The following RIMBP2 variants were observed in gnomAD, a reference collection of about 807,000 sequenced individuals.
RIMBP2 encodes the protein RIMS binding protein 2.
A neutral mutation model predicts 118.6 loss-of-function variants in RIMBP2; 48 were observed. The ratio of observed to expected loss-of-function variants is 0.40; its 90% CI spans 0.32 to 0.51. RIMBP2 has a LOEUF of 0.51. RIMBP2 is among the 20% of genes least tolerant of loss of function. The probability of loss-of-function intolerance (pLI) is 0.41; values close to 1 mark genes in which losing one functional copy is unlikely to be tolerated. For missense variants in RIMBP2, 1,551 were observed against 1,768.3 expected (o/e 0.88, Z 2.20); for synonymous variants, 762 against 742.9 (o/e 1.03, Z -0.42).
chr12:130,544,596 C>CTTT (rs35041449), intron 2 of RIMBP2, among the ~76,000 whole-genome samples: 4,806 of 100,458 alleles, frequency 0.048, 288 homozygotes, highest in South Asian at 0.085. Flanking sequence ...AACTGGAGGC[C>CTTT]TTTTTTTTTT....
At chr12:130,658,696 GA>G (rs1243252626) in intron 1 of RIMBP2, 1 of 152,196 alleles carries the variant, frequency 6.6e-6, no homozygotes, top group African/African-American at 2.4e-5. Flanking sequence ...CATTTTATGA[GA>G]AAAAACAAGC....
intron 2 of RIMBP2, among the ~76,000 whole-genome samples, chr12:130,531,825 C>G (rs1283545998): frequency 6.6e-6 from 1 of 150,928 alleles, no homozygotes; most frequent in Admixed American, 6.6e-5. Flanking sequence ...AACCCAGATG[C>G]CTCTAGGAGT....
At chr12:130,646,614 A>T (rs999933423) in intron 1 of RIMBP2, among the ~76,000 whole-genome samples, 21 of 152,354 alleles carry the variant, frequency 1.4e-4, no homozygotes, top group Admixed American at 3.3e-4. Flanking sequence ...GAAGAATGAC[A>T]ACCAATCTTA....
chr12:130,615,106 T>C (rs1011728762), intron 2 of RIMBP2, among the ~76,000 whole-genome samples: 1 of 147,578 alleles, frequency 6.8e-6, no homozygotes, highest in Non-Finnish European at 1.5e-5. Context: ...ATGTGTATTA[T>C]GTATATATAC....
At chr12:130,706,696 A>T (rs1361083891) in intron 1 of RIMBP2, among the ~76,000 whole-genome samples, 3 of 152,208 alleles carry the variant, frequency 2.0e-5, no homozygotes, top group Admixed American at 2.0e-4. Context: ...GTGCCTTTTG[A>T]CAGTTAAATG....
At chr12:130,439,316 T>C (rs1052169165) in intron 11 of RIMBP2, among the ~76,000 whole-genome samples, 2 of 150,260 alleles carry the variant, frequency 1.3e-5, no homozygotes, top group African/African-American at 4.9e-5. Context: ...TGGGTGTGTA[T>C]AGATGTGTGT....
chr12:130,641,692 G>A (rs1458475255), intron 1 of RIMBP2, among the ~76,000 whole-genome samples: 1 of 152,202 alleles, frequency 6.6e-6, no homozygotes, highest in Non-Finnish European at 1.5e-5. Flanking sequence ...TGGAGTCCTG[G>A]GGAAGGAAGA....
chr12:130,552,493 G>C (rs915243469), intron 2 of RIMBP2, among the ~76,000 whole-genome samples: 3 of 152,094 alleles, frequency 2.0e-5, no homozygotes, highest in African/African-American at 7.2e-5. Context: ...CAAGATAATG[G>C]CTAAAATGAT....
At chr12:130,460,193 G>A (rs140948200) in intron 6 of RIMBP2, among the ~76,000 whole-genome samples, 9 of 152,134 alleles carry the variant, frequency 5.9e-5, no homozygotes, top group Non-Finnish European at 1.2e-4. Context: ...CATCAGGGCC[G>A]GGTTCCCTCT....
At chr12:130,535,712 CATATACATAT>C (rs1199978647) in intron 2 of RIMBP2, among the ~76,000 whole-genome samples, 157 of 99,002 alleles carry the variant, frequency 1.6e-3, no homozygotes, top group South Asian at 7.0e-3. Context: ...TACACATATA[CATATACATAT>C]ATATACATAT....
chr12:130,400,954 C>G (rs1287851820), intron 21 of RIMBP2, among the ~76,000 whole-genome samples: 1 of 152,098 alleles, frequency 6.6e-6, no homozygotes, highest in Admixed American at 6.6e-5. Flanking sequence ...GAAACGAATA[C>G]TCGTGCACTT....
rs2080786420 is a variant in RIMBP2 at position 130,469,197 on chromosome 12, A to G, written c.153+1496T>C. ...GCGCGAAGAGCAAAGCAAGACAGTT[A>G]CAGAAAGACGCCGTAAATAAAAGAC... On this transcript the variant is annotated intron_variant, in intron 6 of 22. Transcript: ENST00000690449. This position sits in a 1 kb window ranked among gnomAD's most constrained non-coding sequence, Gnocchi z 4.8. 1 of 152,634 alleles carries G rather than the reference A, an allele frequency of 6.6e-6. No homozygotes were observed. Among genetic ancestry groups the G allele is most frequent in the Non-Finnish European group, 1.5e-5 (1 of 68,040 alleles). 9.5% of individuals were successfully genotyped at this position (152,634 alleles called of 1,614,324 possible).
At chr12:130,404,629 G>A (rs1440264954) in intron 21 of RIMBP2, among the ~76,000 whole-genome samples, 1 of 152,166 alleles carries the variant, frequency 6.6e-6, no homozygotes, top group Admixed American at 6.5e-5. Flanking sequence ...TATAAAGGAT[G>A]CGTAAGAATA....
Position 130,581,192 on chromosome 12 carries a change from G to A in RIMBP2, c.-217+47130C>T, listed in dbSNP as rs1374408347. On this transcript the variant is annotated intron_variant, in intron 2 of 22. Coordinates refer to ENST00000690449, the MANE Select transcript of RIMBP2 (RefSeq NM_001393629.1). The surrounding 1 kb of genome is among the most constrained non-coding windows in gnomAD (Gnocchi z 4.4). ...CACATACAAAAGAGACTAGCTCAAGGGTGGCAGCCTCTGGGTCATCAACTG... is the reference window on the plus strand; with the variant it reads ...CACATACAAAAGAGACTAGCTCAAGAGTGGCAGCCTCTGGGTCATCAACTG... 6.6e-6 allele frequency among the ~76,000 whole-genome samples: 1 copy of A among 152,100 alleles called. No individual in the cohort carries two copies. Among genetic ancestry groups the A allele is most frequent in the Non-Finnish European group, 1.5e-5 (1 of 68,016 alleles).
chr12:130,591,094 G>A (rs1280461736), intron 2 of RIMBP2, among the ~76,000 whole-genome samples: 1 of 152,162 alleles, frequency 6.6e-6, no homozygotes, highest in African/African-American at 2.4e-5. Flanking sequence ...CAAAAATGTT[G>A]ATTAAATATC....
At chr12:130,702,777 C>A (rs982592891) in intron 1 of RIMBP2, among the ~76,000 whole-genome samples, 1 of 152,136 alleles carries the variant, frequency 6.6e-6, no homozygotes, top group African/African-American at 2.4e-5. Flanking sequence ...TGATCGGAAT[C>A]TTGGGCCCCT....
At chr12:130,664,390 C>CACGT (rs2063786826) in intron 1 of RIMBP2, among the ~76,000 whole-genome samples, 1 of 91,406 alleles carries the variant, frequency 1.1e-5, no homozygotes, top group African/African-American at 3.4e-5. Context: ...CACGCGCATG[C>CACGT]ACACACACGC....
At chr12:130,524,569 C>A (rs2052559221) in intron 2 of RIMBP2, among the ~76,000 whole-genome samples, 2 of 152,208 alleles carry the variant, frequency 1.3e-5, no homozygotes, top group African/African-American at 4.8e-5. Flanking sequence ...CTTCATGAAC[C>A]TCACTGAGGA....
chr12:130,574,409 C>A (rs570878556), intron 2 of RIMBP2, among the ~76,000 whole-genome samples: 1 of 152,222 alleles, frequency 6.6e-6, no homozygotes, highest in South Asian at 2.1e-4. Flanking sequence ...GAAAACCCCC[C>A]ACAACAGAGT....
Sources: allele counts gnomAD v4.1 joint callset (sites outside exome capture counted in the v4.1 genomes callset), GRCh38; gene constraint gnomAD v4.1.1; non-coding constraint Gnocchi (gnomAD v3.1); transcripts MANE v1.5; gene names NCBI Gene and HGNC (gene_info 2026-07-23, HGNC 2026-07-21).